The following INO80 variants were observed in gnomAD, a reference collection of about 807,000 sequenced individuals.
INO80 encodes INO80 complex ATPase subunit.
Under a neutral mutation model 203.4 loss-of-function variants are expected in INO80, and 20 were observed. The ratio of observed to expected loss-of-function variants is 0.10; its 90% CI spans 0.07 to 0.14. INO80 has a LOEUF of 0.14. Ranked by LOEUF, INO80 falls within the 10% of genes least tolerant of loss-of-function variation. The probability of loss-of-function intolerance (pLI) is 1.00; values close to 1 mark genes in which losing one functional copy is unlikely to be tolerated. For synonymous variants in INO80, 726 were observed against 685.2 expected, an observed-to-expected ratio of 1.06 and a Z score of -0.93; for missense variants, 1,419 against 1,914.4, an observed-to-expected ratio of 0.74 and a Z score of 4.83.
Position 41,064,102 on chromosome 15 carries a change from C to A in INO80, c.1783-4176G>T, listed in dbSNP as rs74014745. The stretch of plus-strand genomic sequence containing the variant: ...TCAGTGACAGAATAGGCAGACGAAT[C>A]AGTAAAGACATGAAAGAGCTGAACA... On this transcript the variant is annotated intron_variant, in intron 14 of 35. Coordinates refer to ENST00000648947, the MANE Select transcript of INO80 (RefSeq NM_017553.3). Among the ~76,000 whole-genome samples the A allele has an allele frequency of 3.9e-3, 587 of 152,220 alleles. 3 individuals carry two copies. Among genetic ancestry groups the A allele is most frequent in the African/African-American group, 0.014 (563 of 41,522 alleles).
intron 13 of INO80, 145 bp downstream of exon 13, chr15:41,070,322 C>T: frequency 1.4e-6 from 1 of 691,326 alleles, no homozygotes; most frequent in Non-Finnish European, 2.4e-6. Flanking sequence ...AAACACTGTC[C>T]CCTTATAAAG....
At chr15:41,093,922 T>C (rs2045681447) in intron 4 of INO80, among the ~76,000 whole-genome samples, 1 of 152,192 alleles carries the variant, frequency 6.6e-6, no homozygotes, top group East Asian at 1.9e-4. Context: ...TTTTTCAAAA[T>C]ATGACGGCTA....
chr15:41,096,393 T>A, intron 1 of INO80, 40 bp from the exon 2 acceptor site: 5 of 1,373,524 alleles, frequency 3.6e-6, no homozygotes, highest in Non-Finnish European at 4.8e-6. Flanking sequence ...GAAATTACTA[T>A]CCATTCTCCC....
At chr15:41,046,334 A>G (rs2044767148) in intron 23 of INO80, among the ~76,000 whole-genome samples, 1 of 147,928 alleles carries the variant, frequency 6.8e-6, no homozygotes, top group Admixed American at 6.8e-5. Context: ...GGTTCCAGTG[A>G]TTCTCCCACC....
chr15:41,045,617 G>A (rs1596288451), intron 23 of INO80, among the ~76,000 whole-genome samples: 1 of 151,016 alleles, frequency 6.6e-6, no homozygotes, highest in African/African-American at 2.4e-5. Flanking sequence ...CCTTGGCCGG[G>A]CACAGTGGCT....
intron 11 of INO80, among the ~76,000 whole-genome samples, chr15:41,072,976 T>G (rs1275783105): frequency 1.3e-5 from 2 of 152,016 alleles, no homozygotes; most frequent in Non-Finnish European, 2.9e-5. Flanking sequence ...AGATGGGGTT[T>G]CACCGTGTTA....
At position 41,116,116 on chromosome 15, in the gene INO80, G is replaced by GA; in HGVS notation, c.-188dup. The stretch of plus-strand genomic sequence containing the variant: ...TGGGACGGTGACTGCGTTGGGCGTG[G>GA]ACGCTCCTAGCTCGCTCCCTCCGCG... On this transcript the variant is annotated 5_prime_UTR_variant, in exon 1 of 36. The change abolishes the stop of an existing upstream ORF in the 5' untranslated region. Coordinates refer to ENST00000648947, the MANE Select transcript of INO80 (RefSeq NM_017553.3). The GA allele has an allele frequency of 2.5e-6, 1 of 397,624 alleles. No individual in the cohort carries two copies. 24.6% of individuals were successfully genotyped at this position (397,624 alleles called of 1,614,324 possible).
At chr15:41,088,076 T>C (rs2076761545) in intron 5 of INO80, among the ~76,000 whole-genome samples, 1 of 150,388 alleles carries the variant, frequency 6.6e-6, no homozygotes, top group African/African-American at 2.4e-5. Flanking sequence ...AGGTTCCTCA[T>C]GCTTGCTTTT....
intron 19 of INO80, among the ~76,000 whole-genome samples, chr15:41,053,237 C>A (rs1343578779): frequency 6.6e-6 from 1 of 152,296 alleles, no homozygotes; most frequent in Admixed American, 6.5e-5. Flanking sequence ...TCCCGAGTAA[C>A]TGGGACTACA....
intron 1 of INO80, among the ~76,000 whole-genome samples, chr15:41,104,140 G>C (rs1410981294): frequency 2.9e-5 from 4 of 137,194 alleles, no homozygotes; most frequent in African/African-American, 8.2e-5. Flanking sequence ...AGCATCACTT[G>C]AACCCAGGAG....
At chr15:41,106,140 T>C (rs2045877074) in intron 1 of INO80, among the ~76,000 whole-genome samples, 1 of 152,078 alleles carries the variant, frequency 6.6e-6, no homozygotes, top group Non-Finnish European at 1.5e-5. Flanking sequence ...ATGCCTGTAA[T>C]GCCAGCACTT....
intron 24 of INO80, among the ~76,000 whole-genome samples, chr15:41,038,011 C>CTTTTTTTTTTTTTTTTTTTTTTT (rs748525965): frequency 1.1e-5 from 1 of 89,794 alleles, no homozygotes; most frequent in Non-Finnish European, 2.1e-5. Context: ...CTTCCCTTTT[C>CTTTTTTTTTTTTTTTTTTTTTTT]TTTTTTTTTT....
chr15:41,038,990 C>T (rs949940209), intron 24 of INO80, among the ~76,000 whole-genome samples: 16 of 152,322 alleles, frequency 1.1e-4, no homozygotes, highest in Admixed American at 2.6e-4. Flanking sequence ...AGGGCTGGGA[C>T]GACAAGCTTA....
chr15:40,990,442 C>G (rs549615150), intron 29 of INO80, among the ~76,000 whole-genome samples: 2 of 152,272 alleles, frequency 1.3e-5, no homozygotes, highest in South Asian at 2.1e-4. Context: ...CTCACTGCAG[C>G]CCCAAACTCC....
rs147793920 is a variant in INO80 at position 40,999,920 on chromosome 15, G to A, written c.3498-2319C>T. Among the ~76,000 whole-genome samples the A allele has an allele frequency of 2.6e-5, 4 of 152,152 alleles. No individual in the cohort carries two copies. In the East Asian group the frequency reaches 7.7e-4, roughly 29 times the overall value. On this transcript the variant is annotated intron_variant, in intron 28 of 35. Transcript: ENST00000648947. ...AGCTTGGGCAATACAGAAAGACCCT[G>A]CATCTACATAAAATTTTTTTTAAAA...
intron 31 of INO80, among the ~76,000 whole-genome samples, chr15:40,985,943 C>G (rs2043726793): frequency 6.6e-6 from 1 of 152,138 alleles, no homozygotes; most frequent in African/African-American, 2.4e-5. Flanking sequence ...TCATGTTATT[C>G]TTTTTCCCTT....
chr15:41,078,387 G>T (rs1191194941), intron 9 of INO80, among the ~76,000 whole-genome samples: 1 of 152,068 alleles, frequency 6.6e-6, no homozygotes, highest in Non-Finnish European at 1.5e-5. Flanking sequence ...TAGAATATAG[G>T]CCAAGTTGCC....
rs762815644 is a variant in INO80, at chr15:41,073,430, G to A, written c.1393C>T (p.Arg465Trp). 4.3e-6 allele frequency: 7 copies of A among 1,613,532 alleles called. 1 individual carries two copies. In the South Asian group the frequency reaches 5.5e-5, roughly 13 times the overall value. The change falls in exon 11 of 36, where the codon CGG becomes TGG. Residue 465 changes from arginine to tryptophan, a missense_variant and splice_region_variant. By Grantham distance (101) the Arg-to-Trp change is moderately radical. Transcript: ENST00000648947. Reference protein sequence around the residue: ...AENAYHIHQARTRSFDEDAKE... With the variant: ...AENAYHIHQAWTRSFDEDAKE... The stretch of plus-strand genomic sequence containing the variant: ...AACCTTTCTATCTGAAGACTCACCC[G>A]AGCTTGGTGAATATGGTAAGCATTT...
intron 14 of INO80, among the ~76,000 whole-genome samples, chr15:41,068,728 C>T (rs1211909551): frequency 6.6e-6 from 1 of 152,064 alleles, no homozygotes; most frequent in African/African-American, 2.4e-5. Context: ...GGCATGGTGG[C>T]AGACACCTGT....
Sources: allele counts gnomAD v4.1 joint callset (sites outside exome capture counted in the v4.1 genomes callset), GRCh38; gene constraint gnomAD v4.1.1; transcripts MANE v1.5; gene names NCBI Gene and HGNC (gene_info 2026-07-23, HGNC 2026-07-21).